The following PSPC1 variants were observed in gnomAD, a reference collection of about 807,000 sequenced individuals.
The protein encoded by PSPC1 is paraspeckle protein 1.
In PSPC1, 14 loss-of-function variants were observed where a neutral mutation model predicts 51.6. The ratio of observed to expected loss-of-function variants is 0.27; its 90% confidence interval spans 0.18 to 0.42. The LOEUF is 0.42. Ranked by LOEUF, PSPC1 falls within the 10% of genes least tolerant of loss-of-function variation. The pLI, the probability that PSPC1 is intolerant of heterozygous loss-of-function variation, is 1.00. For synonymous variants in PSPC1, 193 were observed against 231.9 expected (o/e 0.83, Z 1.53); for missense variants, 406 against 701.1 (o/e 0.58, Z 4.75).
rs1555236512 is a variant in PSPC1 at position 19,730,969 on chromosome 13, A to AAAAAC, written c.1053-626_1053-625insGTTTT. ...CAGAAAAAAAAAACAAAAAAACAAA[A>AAAAAC]AAAAAAAAAACAGAAAAAGTCTGAG... On this transcript the variant is annotated intron_variant, in intron 5 of 8. Transcript: ENST00000338910. Among the ~76,000 whole-genome samples the AAAAAC allele has an allele frequency of 5.9e-3, 872 of 146,604 alleles. 17 individuals are homozygous for AAAAAC. Among genetic ancestry groups the AAAAAC allele is most frequent in the Non-Finnish European group, 9.7e-3 (641 of 66,082 alleles).
intron 6 of PSPC1, among the ~76,000 whole-genome samples, chr13:19,691,818 T>C (rs533067954): frequency 1.7e-4 from 26 of 152,144 alleles, no homozygotes; most frequent in African/African-American, 5.8e-4. Flanking sequence ...CTCAGAAGGC[T>C]GAGGCAGGAC....
Position 19,735,895 on chromosome 13 carries a change from CA to C in PSPC1, c.1053-5552del, listed in dbSNP as rs1253758404. ...GGAGTGCAGTGGCGCCATCTCTGCT[CA>C]CTGCAAGCTACGCCTCCTGGGTTCA... On this transcript the variant is annotated intron_variant, in intron 5 of 8. Transcript: ENST00000338910. Among the ~76,000 whole-genome samples, 1,347 of 152,168 alleles carry C rather than the reference CA, an allele frequency of 8.9e-3. 13 individuals carry two copies. Among genetic ancestry groups the C allele is most frequent in the African/African-American group, 0.031 (1,280 of 41,500 alleles).
chr13:19,742,623 C>A (rs1465666667), intron 4 of PSPC1, among the ~76,000 whole-genome samples: 1 of 152,144 alleles, frequency 6.6e-6, no homozygotes, highest in Non-Finnish European at 1.5e-5. Context: ...CCTGTAATTC[C>A]AGCTACTCGG....
At chr13:19,741,492 C>T in intron 5 of PSPC1, 73 bp downstream of exon 5, 1 of 1,110,702 alleles carries the variant, frequency 9.0e-7, no homozygotes, top group East Asian at 2.5e-5. Flanking sequence ...ACTTATACAA[C>T]TTGTAACAGG....
At chr13:19,759,916 G>A (rs868168983) in intron 2 of PSPC1, among the ~76,000 whole-genome samples, 4 of 151,098 alleles carry the variant, frequency 2.6e-5, no homozygotes, top group South Asian at 4.2e-4. Flanking sequence ...AGAGGTGAAT[G>A]TCAAAAGCCA....
intron 2 of PSPC1, among the ~76,000 whole-genome samples, chr13:19,764,554 C>A (rs1172098164): frequency 4.6e-5 from 7 of 151,874 alleles, no homozygotes; most frequent in Admixed American, 4.6e-4. Context: ...GGCAAGGTGG[C>A]TTTTGCCTGT....
chr13:19,726,120 A>G (rs1227495159), intron 6 of PSPC1, among the ~76,000 whole-genome samples: 1 of 152,118 alleles, frequency 6.6e-6, no homozygotes, highest in Non-Finnish European at 1.5e-5. Flanking sequence ...CACACTTGTC[A>G]ATAGCCACTG....
chr13:19,698,869 C>T (rs921039161), downstream of PSPC1, among the ~76,000 whole-genome samples: 1 of 151,698 alleles, frequency 6.6e-6, no homozygotes, highest in African/African-American at 2.4e-5. Context: ...TATCTTCAAT[C>T]TGGAAATAAC....
intron 2 of PSPC1, among the ~76,000 whole-genome samples, chr13:19,770,162 G>A (rs971884734): frequency 5.9e-5 from 9 of 152,106 alleles, no homozygotes; most frequent in Admixed American, 3.9e-4. Flanking sequence ...AGCAAGAGAA[G>A]CCAGACACAG....
intron 3 of PSPC1, among the ~76,000 whole-genome samples, chr13:19,753,400 T>C (rs147081255): frequency 1.8e-3 from 274 of 151,592 alleles, no homozygotes; most frequent in Non-Finnish European, 3.0e-3. Context: ...CATGACCAGC[T>C]AATTTTTGTA....
chr13:19,701,657 C>A (rs1335607065), downstream of PSPC1, among the ~76,000 whole-genome samples: 1 of 152,140 alleles, frequency 6.6e-6, no homozygotes. Context: ...TGCTTTACAA[C>A]CAACTGCTTT....
chr13:19,674,387 T>C (rs1274114754), downstream of PSPC1, among the ~76,000 whole-genome samples: 20 of 152,202 alleles, frequency 1.3e-4, no homozygotes, highest in Admixed American at 1.3e-3. Flanking sequence ...CTGTATTGAT[T>C]CTTAAATGTG....
chr13:19,686,906 C>T (rs962767603), intron 6 of PSPC1, among the ~76,000 whole-genome samples: 2 of 152,042 alleles, frequency 1.3e-5, no homozygotes, highest in Admixed American at 6.6e-5. Flanking sequence ...TGAATATAGC[C>T]ATCTTTAGGG....
intron 6 of PSPC1, among the ~76,000 whole-genome samples, chr13:19,680,313 C>T (rs1263430024): frequency 6.6e-6 from 1 of 152,166 alleles, no homozygotes; most frequent in African/African-American, 2.4e-5. Flanking sequence ...CCATGCCCGG[C>T]CCAATATTTA....
chr13:19,686,030 GCCA>G (rs1433663257), intron 6 of PSPC1, among the ~76,000 whole-genome samples: 1 of 152,112 alleles, frequency 6.6e-6, no homozygotes, highest in Non-Finnish European at 1.5e-5. Flanking sequence ...TGCAGACCAA[GCCA>G]CCATCACCTC....
chr13:19,677,823 C>A, exon 7 of PSPC1: 1 of 487,408 alleles, frequency 2.1e-6, no homozygotes, highest in East Asian at 5.6e-5. Flanking sequence ...CTTTTATCAC[C>A]CTAGAAATAC....
chr13:19,691,891 CTGAG>C (rs1326064525), intron 6 of PSPC1, among the ~76,000 whole-genome samples: 13 of 152,242 alleles, frequency 8.5e-5, no homozygotes, highest in Non-Finnish European at 1.8e-4. Context: ...GTACCCTAGA[CTGAG>C]TGACAGAGCG....
chr13:19,671,892 G>C, downstream of PSPC1: 1 of 1,613,046 alleles, frequency 6.2e-7, no homozygotes. Context: ...AGAAGGGACT[G>C]GGCGGAGTTC....
chr13:19,703,798 A>T (rs1880268629), intron 8 of PSPC1, among the ~76,000 whole-genome samples: 1 of 151,682 alleles, frequency 6.6e-6, no homozygotes. Flanking sequence ...TAAACATTCT[A>T]AAAAAAAATC....
Sources: allele counts gnomAD v4.1 joint callset (sites outside exome capture counted in the v4.1 genomes callset), GRCh38; gene constraint gnomAD v4.1.1; transcripts MANE v1.5; gene names NCBI Gene and HGNC (gene_info 2026-07-23, HGNC 2026-07-21).